AOPEP: variants seen among roughly 807,000 people sequenced by gnomAD.
AOPEP encodes the protein aminopeptidase O (putative).
Under a neutral mutation model 98.1 loss-of-function variants are expected in AOPEP, and 77 were observed. The observed-to-expected ratio is 0.78, with a 90% CI of 0.65 to 0.95. The LOEUF is 0.95. AOPEP is among the 40% of genes least tolerant of loss of function. The pLI is 0.00. For missense variants in AOPEP, 1,024 were observed against 1,024.7 expected (o/e 1.00, Z 0.01); for synonymous variants, 346 against 365.3 (o/e 0.95, Z 0.60).
At chr9:95,097,388 G>A in the AOPEP span, among the ~76,000 whole-genome samples, 3 of 152,238 alleles carry the variant, frequency 2.0e-5, no homozygotes, top group South Asian at 2.1e-4. Context: ...AGCCAGATGC[G>A]TGATTTCCTA....
intron 7 of AOPEP, chr9:94,931,737 A>G (rs772125374): frequency 3.4e-5 from 52 of 1,550,206 alleles, no homozygotes; most frequent in Non-Finnish European, 4.0e-5. Context: ...TGGCGGATGC[A>G]GTGGAAGCTT....
intron 5 of AOPEP, among the ~76,000 whole-genome samples, chr9:94,886,336 A>T (rs2048238050): frequency 6.6e-6 from 1 of 152,204 alleles, no homozygotes; most frequent in Admixed American, 6.5e-5. Context: ...ATAAAAACTT[A>T]GTCTTAATGC....
At chr9:94,822,078 C>T (rs1289646369) in intron 5 of AOPEP, among the ~76,000 whole-genome samples, 1 of 151,878 alleles carries the variant, frequency 6.6e-6, no homozygotes, top group Non-Finnish European at 1.5e-5. Flanking sequence ...ATACAGTGAT[C>T]CCCAGGCTGG....
intron 2 of AOPEP, among the ~76,000 whole-genome samples, chr9:94,764,002 A>T (rs10739983): frequency 3.3e-5 from 5 of 152,018 alleles, no homozygotes; most frequent in South Asian, 2.1e-4. Context: ...CTATACAGTC[A>T]GTGACTCCCT....
At chr9:94,775,901 G>A (rs1032663447) in intron 3 of AOPEP, among the ~76,000 whole-genome samples, 8 of 152,156 alleles carry the variant, frequency 5.3e-5, no homozygotes, top group Non-Finnish European at 8.8e-5. Context: ...CGGGAGAATG[G>A]TGTGAATCCG....
the AOPEP span, among the ~76,000 whole-genome samples, chr9:95,139,838 A>ATATATATATATAAATATATATATTTT: frequency 6.1e-5 from 9 of 146,994 alleles, no homozygotes; most frequent in African/African-American, 2.2e-4. Flanking sequence ...ATATATTTAT[A>ATATATATATATAAATATATATATTTT]TATATATATA....
rs772081034 is a variant in AOPEP, at chr9:94,800,979, C to T, written c.1341C>T (p.Asn447=). The T allele has an allele frequency of 6.2e-7, 1 of 1,614,202 alleles. No individual in the cohort carries two copies. The highest frequency in any genetic ancestry group is 1.7e-5 in the Admixed American group (1 of 60,020). ...TGGATGTTCTCATCGTCCCTGCCAA[C>T]TTTCCAAGTCTGGGGATGGCCAGGT... is the stretch of plus-strand genomic sequence containing the variant. ...SRLDVLIVPA[N]FPSLGMASPH... The change falls in exon 5 of 17, where the codon AAC becomes AAT. Residue 447 remains asparagine, a synonymous_variant. Transcript: ENST00000375315.
chr9:94,761,503 A>T (rs906738394), intron 2 of AOPEP, among the ~76,000 whole-genome samples: 2 of 151,892 alleles, frequency 1.3e-5, no homozygotes, highest in Admixed American at 6.6e-5. Flanking sequence ...TGGGTTTGGG[A>T]GCCTTCTTTT....
At chr9:94,978,725 A>G (rs1329756972) in intron 10 of AOPEP, among the ~76,000 whole-genome samples, 1 of 152,204 alleles carries the variant, frequency 6.6e-6, no homozygotes, top group Non-Finnish European at 1.5e-5. Flanking sequence ...TCCTAAATAT[A>G]CTGAAGACTT....
chr9:95,113,653 C>T, the AOPEP span: 1 of 149,820 alleles, frequency 6.7e-6, no homozygotes, highest in Non-Finnish European at 1.5e-5. Context: ...GAGACGGAGT[C>T]TTACTGTCAC....
chr9:95,039,241 A>G (rs571279024), intron 13 of AOPEP, among the ~76,000 whole-genome samples: 9 of 152,238 alleles, frequency 5.9e-5, no homozygotes, highest in Admixed American at 1.3e-4. Context: ...TGGGCATGAG[A>G]AAAATAAGAC....
chr9:94,857,144 T>C (rs556372598), intron 5 of AOPEP, among the ~76,000 whole-genome samples: 1 of 152,370 alleles, frequency 6.6e-6, no homozygotes, highest in African/African-American at 2.4e-5. Flanking sequence ...GACATTTTCT[T>C]ACATGGAAAT....
chr9:94,773,740 A>G (rs923484277), intron 3 of AOPEP, among the ~76,000 whole-genome samples: 3 of 152,190 alleles, frequency 2.0e-5, no homozygotes, highest in Non-Finnish European at 4.4e-5. Flanking sequence ...TTTTCAGTGG[A>G]GATCCTGAGC....
At chr9:95,101,233 C>T in the AOPEP span, 2 of 279,838 alleles carry the variant, frequency 7.1e-6, no homozygotes, top group African/African-American at 4.3e-5. Flanking sequence ...TTTCTCCATA[C>T]AGCAAGACAG....
At position 95,012,993 on chromosome 9, in the gene AOPEP, G is replaced by GGC. The variant is rs531681549; in HGVS notation, c.2115+7378_2115+7379insCG. Among the ~76,000 whole-genome samples, 23 of 135,552 alleles carry GGC rather than the reference G, an allele frequency of 1.7e-4. 2 individuals are homozygous for GGC. In the South Asian group the frequency reaches 3.3e-3, roughly 20 times the overall value. The allele number at this position is 135,552 out of a possible 152,430, so 88.9% of individuals were successfully genotyped here. A position where few individuals can be genotyped will look rare whatever the true frequency, so the allele number is the denominator to read the frequency against. ...AGTTTTCCTGTTTTTTTTTTGGGGG[G>GGC]GGGGGCAGGGCGATTATCTCTTATC... On this transcript the variant is annotated intron_variant, in intron 13 of 16. Coordinates refer to ENST00000375315, the MANE Select transcript of AOPEP (RefSeq NM_001193329.3).
chr9:95,064,232 C>T (rs1564592538), intron 14 of AOPEP, among the ~76,000 whole-genome samples: 1 of 152,236 alleles, frequency 6.6e-6, no homozygotes, highest in Non-Finnish European at 1.5e-5. Context: ...TGTCCCGTAG[C>T]ACGGGCAGTA....
At chr9:94,979,271 CG>C in intron 10 of AOPEP, 95 bp from the exon 11 acceptor site, 2 of 764,722 alleles carry the variant, frequency 2.6e-6, no homozygotes, top group Non-Finnish European at 4.5e-6. Flanking sequence ...TCTGGAAGAT[CG>C]ATGCTGTGAT....
chr9:95,069,683 A>G (rs1229880207), intron 14 of AOPEP, among the ~76,000 whole-genome samples: 2 of 152,260 alleles, frequency 1.3e-5, no homozygotes, highest in Non-Finnish European at 2.9e-5. Context: ...CTCTTTTATC[A>G]TACTTGACGT....
chr9:94,919,473 C>T (rs979656022), intron 5 of AOPEP, among the ~76,000 whole-genome samples: 1 of 152,142 alleles, frequency 6.6e-6, no homozygotes, highest in Non-Finnish European at 1.5e-5. Flanking sequence ...GCTGTCTGGG[C>T]CACCCCCCCA....
Sources: allele counts gnomAD v4.1 joint callset (sites outside exome capture counted in the v4.1 genomes callset), GRCh38; gene constraint gnomAD v4.1.1; transcripts MANE v1.5; gene names NCBI Gene and HGNC (gene_info 2026-07-23, HGNC 2026-07-21).